LUZP4: variants seen among roughly 807,000 people sequenced by gnomAD.
LUZP4 encodes HOM-TES-85 tumor antigen.
In LUZP4, 11 loss-of-function variants were observed where a neutral mutation model predicts 8.5. That is an observed-to-expected ratio of 1.30 (90% confidence interval 0.82 to 2.14). The LOEUF is 2.14. Ranked by LOEUF, LUZP4 falls within the 30% of genes most tolerant of loss-of-function variation. The pLI, the probability that LUZP4 is intolerant of heterozygous loss-of-function variation, is 0.00. For synonymous variants in LUZP4, 104 were observed against 79.4 expected, an observed-to-expected ratio of 1.31 and a Z score of -1.65; for missense variants, 276 against 229.7, an observed-to-expected ratio of 1.20 and a Z score of -1.30.
intron 1 of LUZP4, among the ~76,000 whole-genome samples, chrX:115,298,045 C>T (rs1211245967): frequency 9.9e-6 from 1 of 101,346 alleles, no homozygotes. Context: ...AACTCCTGAC[C>T]TTGTGATCCG....
In LUZP4 at chrX:115,289,789, T is replaced by C; in HGVS notation, c.30T>C (p.Ser10=). The change falls in exon 1 of 4, where the codon TCT becomes TCC. Residue 10 remains serine (S), a synonymous_variant. Coordinates refer to ENST00000371920, the MANE Select transcript of LUZP4 (RefSeq NM_016383.5). MASFRKLTL[S]EKVPPNHPSR... is the part of the protein sequence containing the mutation. ...CTTCGTTTCGGAAGCTAACGCTTTC[T>C]GAAAAAGTGCCGCCAAATCATCCCA... 1 of 1,209,913 alleles carries C rather than the reference T, an allele frequency of 8.3e-7. No individual in the cohort carries two copies.
chrX:115,306,230 C>G lies in LUZP4; in HGVS notation c.368C>G (p.Ala123Gly). The change falls in exon 4 of 4, where the codon GCC (alanine) becomes GGC (glycine). Residue 123 changes from alanine (A) to glycine (G), a missense_variant. Ala to Gly is a moderately conservative substitution (Grantham distance 60, BLOSUM62 0). Transcript: ENST00000371920. ...EQEKCSDNYE[A>G]QAEKNQGQSE... ...GAGAAGTGCAGTGACAATTATGAGGCCCAAGCAGAGAAGAATCAAGGCCAG... is the reference window on the plus strand; with the variant it reads ...GAGAAGTGCAGTGACAATTATGAGGGCCAAGCAGAGAAGAATCAAGGCCAG... 3 of 1,209,396 alleles carry G rather than the reference C, an allele frequency of 2.5e-6. No homozygotes were observed. The highest frequency in any genetic ancestry group is 3.4e-6 in the Non-Finnish European group (3 of 894,164).
At chrX:115,306,101 A>G in intron 3 of LUZP4, 104 bp from the exon 4 acceptor site, 4 of 863,509 alleles carry the variant, frequency 4.6e-6, no homozygotes, top group Non-Finnish European at 6.5e-6. Flanking sequence ...GTGGAATTCT[A>G]AAAGAAATAG....
chrX:115,289,747 T>C lies in LUZP4; in HGVS notation c.-13T>C. 8.4e-7 allele frequency: 1 copy of C among 1,184,520 alleles called. No homozygotes were observed. The highest frequency in any genetic ancestry group is 1.1e-6 in the Non-Finnish European group (1 of 871,566). ...CCCTACCTCGGAGTGTGTGGCGCCA[T>C]GATGCAGGGAAGATGGCTTCGTTTC... On this transcript the variant is annotated 5_prime_UTR_variant, in exon 1 of 4. An upstream start codon of the reference 5' UTR is lost. Transcript: ENST00000371920.
intron 3 of LUZP4, among the ~76,000 whole-genome samples, chrX:115,304,824 T>C (rs2073413303): frequency 2.7e-5 from 3 of 111,268 alleles, no homozygotes; most frequent in Non-Finnish European, 5.7e-5. Flanking sequence ...AATAAAGAAA[T>C]GTATTAAAAT....
chrX:115,291,919 C>T (rs2073350671), intron 1 of LUZP4, among the ~76,000 whole-genome samples: 1 of 108,297 alleles, frequency 9.2e-6, no homozygotes, highest in African/African-American at 3.4e-5. Context: ...GAGACTTCAT[C>T]TCAGAAAAAA....
At chrX:115,291,597 A>G (rs190304081) in intron 1 of LUZP4, among the ~76,000 whole-genome samples, 2 of 111,123 alleles carry the variant, frequency 1.8e-5, no homozygotes, top group African/African-American at 6.5e-5. Context: ...TAAAAGGGGC[A>G]GGATAAGTGG....
chrX:115,292,527 G>A (rs1418220582), intron 1 of LUZP4, among the ~76,000 whole-genome samples: 1 of 110,774 alleles, frequency 9.0e-6, no homozygotes, highest in African/African-American at 3.3e-5. Flanking sequence ...CCGTGTGTGT[G>A]TGTGTATCTT....
chrX:115,297,988 A>G (rs2056983441), intron 1 of LUZP4, among the ~76,000 whole-genome samples: 1 of 103,363 alleles, frequency 9.7e-6, no homozygotes, highest in South Asian at 4.8e-4. Context: ...TAATTTTTGT[A>G]TTTTTAGTAG....
At chrX:115,290,446 T>G (rs961969715) in intron 1 of LUZP4, among the ~76,000 whole-genome samples, 13 of 111,582 alleles carry the variant, frequency 1.2e-4, no homozygotes, top group Admixed American at 2.9e-4. Flanking sequence ...TGGATAGCCT[T>G]TCTTTGCTGG....
chrX:115,306,628 CAGAA>C lies in LUZP4; in HGVS notation c.770_773del (p.Lys257IlefsTer3). 2 of 1,209,859 alleles carry C rather than the reference CAGAA, an allele frequency of 1.7e-6. No homozygotes were observed. Among genetic ancestry groups the C allele is most frequent in the South Asian group, 3.5e-5 (2 of 56,884 alleles). ...CACTCAGAGAGATCTCATAGCCACTCAGAAAGATCTCATAGCCACTCAGAGAGAT... is the reference window on the plus strand; with the variant it reads ...CACTCAGAGAGATCTCATAGCCACTCAGATCTCATAGCCACTCAGAGAGAT... On this transcript the variant is annotated frameshift_variant, in exon 4 of 4. Transcript: ENST00000371920. LOFTEE classifies it low-confidence loss of function (END_TRUNC).
intron 1 of LUZP4, among the ~76,000 whole-genome samples, chrX:115,290,093 A>T (rs1437015848): frequency 9.0e-6 from 1 of 110,672 alleles, no homozygotes; most frequent in African/African-American, 3.3e-5. Context: ...TGGGGAACTG[A>T]GGGAGGCTGA....
chrX:115,299,606 A>G (rs1233672215), intron 1 of LUZP4, among the ~76,000 whole-genome samples: 1 of 109,594 alleles, frequency 9.1e-6, no homozygotes, highest in Admixed American at 9.6e-5. Flanking sequence ...TTGGACTACC[A>G]TAGATGTTCC....
At chrX:115,299,013 C>T (rs911351556) in intron 1 of LUZP4, among the ~76,000 whole-genome samples, 5 of 111,728 alleles carry the variant, frequency 4.5e-5, no homozygotes, top group African/African-American at 1.6e-4. Flanking sequence ...TAGGGGACAT[C>T]GCAAGCCCAG....
intron 1 of LUZP4, among the ~76,000 whole-genome samples, chrX:115,293,527 C>G (rs1268233411): frequency 1.8e-5 from 2 of 111,275 alleles, no homozygotes; most frequent in African/African-American, 6.5e-5. Flanking sequence ...ATCCATCCAC[C>G]TTGACCTCCC....
Position 115,306,892 on chromosome X carries a change from A to G in LUZP4, c.*88A>G. ...TAAATATGTATTTGTTGAAACATGT[A>G]TATTGGGACAAAGACATAAATATTA... On this transcript the variant is annotated 3_prime_UTR_variant, in exon 4 of 4. Coordinates refer to ENST00000371920, the MANE Select transcript of LUZP4 (RefSeq NM_016383.5). 2 of 854,337 alleles carry G rather than the reference A, an allele frequency of 2.3e-6. No homozygotes were observed. The highest frequency in any genetic ancestry group is 3.4e-6 in the Non-Finnish European group (2 of 596,136). 70.4% of individuals were successfully genotyped at this position (854,337 alleles called of 1,213,427 possible).
intron 1 of LUZP4, among the ~76,000 whole-genome samples, chrX:115,293,821 G>A (rs1160969119): frequency 9.2e-6 from 1 of 109,050 alleles, no homozygotes; most frequent in Non-Finnish European, 1.9e-5. Flanking sequence ...CGTGGAGGCA[G>A]GCGCCTGTAG....
chrX:115,296,271 G>C (rs1367507360), intron 1 of LUZP4, among the ~76,000 whole-genome samples: 1 of 111,860 alleles, frequency 8.9e-6, no homozygotes, highest in African/African-American at 3.3e-5. Context: ...ACCTCAAGCA[G>C]TGTGATCAGT....
intron 1 of LUZP4, among the ~76,000 whole-genome samples, chrX:115,293,770 G>C (rs1556597923): frequency 9.2e-6 from 1 of 109,216 alleles, no homozygotes; most frequent in African/African-American, 3.3e-5. Context: ...GGCCAACATG[G>C]TGAAATCCTG....
Sources: gnomAD v4.1 joint callset for allele counts (sites outside exome capture counted in the v4.1 genomes callset) on GRCh38, gnomAD v4.1.1 for gene constraint, MANE v1.5 for transcripts, NCBI Gene and HGNC (gene_info 2026-07-23, HGNC 2026-07-21) for gene names.